ZNF236: variants seen among roughly 807,000 people sequenced by gnomAD.
The protein encoded by ZNF236 is regulated by glucose.
ZNF236 carries 50 observed loss-of-function variants against 191.2 expected under a neutral mutation model. That is an observed-to-expected ratio of 0.26 (90% CI 0.21 to 0.33). ZNF236 has a LOEUF of 0.33. Ranked by LOEUF, ZNF236 falls within the 10% of genes least tolerant of loss-of-function variation. The pLI is 1.00. For synonymous variants in ZNF236, 907 were observed against 928.8 expected, an observed-to-expected ratio of 0.98 and a Z score of 0.43; for missense variants, 1,754 against 2,374.5, an observed-to-expected ratio of 0.74 and a Z score of 5.43.
intron 1 of ZNF236, among the ~76,000 whole-genome samples, chr18:76,846,274 C>G (rs765760121): frequency 7.2e-5 from 11 of 152,200 alleles, no homozygotes; most frequent in Non-Finnish European, 1.2e-4. Flanking sequence ...TTTGATAGAC[C>G]TCGTTCTGAA....
chr18:76,851,952 AT>A lies in ZNF236; in HGVS notation c.363+17del. On this transcript the variant is annotated intron_variant, in intron 3 of 30. Coordinates refer to ENST00000320610, the MANE Select transcript of ZNF236 (RefSeq NM_001306089.2). ...TGAAAAGGAAGAGGTAATCATCATC[AT>A]TTTGCATATACTTTGTTAACTGATT... The A allele has an allele frequency of 6.2e-7, 1 of 1,600,438 alleles. No individual in the cohort carries two copies. The highest frequency in any genetic ancestry group is 8.5e-7 in the Non-Finnish European group (1 of 1,172,932).
intron 16 of ZNF236, 105 bp from the exon 17 acceptor site, chr18:76,912,138 TC>T: frequency 1.3e-6 from 1 of 795,076 alleles, no homozygotes; most frequent in Admixed American, 2.7e-5. Context: ...CTCTCTTAGA[TC>T]CACATTTTAT....
chr18:76,961,953 T>C (rs928024375), intron 30 of ZNF236, among the ~76,000 whole-genome samples: 3 of 152,208 alleles, frequency 2.0e-5, no homozygotes, highest in African/African-American at 7.2e-5. Flanking sequence ...GAATTCGTTG[T>C]AGATTCTGGA....
chr18:76,937,055 G>A, intron 25 of ZNF236, 101 bp from the exon 26 acceptor site: 1 of 1,102,340 alleles, frequency 9.1e-7, no homozygotes. Context: ...CCTCGGGCAT[G>A]AATGCTGCTT....
At chr18:76,848,019 T>C (rs948321930) in intron 1 of ZNF236, among the ~76,000 whole-genome samples, 2 of 152,216 alleles carry the variant, frequency 1.3e-5, no homozygotes, top group Non-Finnish European at 2.9e-5. Flanking sequence ...CGGAATAATG[T>C]TTGCAGCTGT....
chr18:76,859,943 C>G (rs1347066047), intron 3 of ZNF236, among the ~76,000 whole-genome samples: 1 of 152,130 alleles, frequency 6.6e-6, no homozygotes, highest in African/African-American at 2.4e-5. Flanking sequence ...TGGGGCACAT[C>G]TGTGGGTAGC....
chr18:76,912,986 A>T (rs7238184), intron 17 of ZNF236, among the ~76,000 whole-genome samples: 29,301 of 152,172 alleles, frequency 0.19, 3,385 homozygotes, highest in Middle Eastern at 0.28. Context: ...ATGTATTCAG[A>T]CACTTCCAGC....
In ZNF236 at chr18:76,972,230, T is replaced by A. The variant is rs1186975430; in HGVS notation, c.*3891T>A. On this transcript the variant is annotated 3_prime_UTR_variant, in exon 31 of 31. Transcript: ENST00000320610. ...GATCGTACGCCAAAGGCCACTGAGC[T>A]GGCATCTTCTTCATTGTGGAGAAAG... 6.6e-6 allele frequency among the ~76,000 whole-genome samples: 1 copy of A among 152,278 alleles called. No individual in the cohort carries two copies. Among genetic ancestry groups the A allele is most frequent in the East Asian group, 1.9e-4 (1 of 5,204 alleles).
intron 1 of ZNF236, among the ~76,000 whole-genome samples, chr18:76,829,906 C>T (rs577022202): frequency 6.6e-6 from 1 of 152,280 alleles, no homozygotes; most frequent in Admixed American, 6.5e-5. Flanking sequence ...GAGTCTCGCC[C>T]TGTTGCCAGG....
At chr18:76,908,286 C>G in intron 13 of ZNF236, 34 bp from the exon 14 acceptor site, 2 of 1,599,072 alleles carry the variant, frequency 1.3e-6, no homozygotes, top group Non-Finnish European at 1.7e-6. Context: ...TTGACAGCAT[C>G]TAACCTGATG....
At chr18:76,856,389 G>T (rs1010743350) in intron 3 of ZNF236, among the ~76,000 whole-genome samples, 15 of 152,148 alleles carry the variant, frequency 9.9e-5, no homozygotes, top group African/African-American at 3.4e-4. Flanking sequence ...TGCCATGTTG[G>T]CCAGGCTGGT....
In ZNF236 at chr18:76,968,461, T is replaced by C; in HGVS notation, c.*122T>C. 6.8e-7 allele frequency: 1 copy of C among 1,462,120 alleles called. No homozygotes were observed. Among genetic ancestry groups the C allele is most frequent in the Admixed American group, 3.0e-5 (1 of 33,166 alleles). The allele number at this position is 1,462,120 out of a possible 1,614,324, so 90.6% of individuals were successfully genotyped here. On this transcript the variant is annotated 3_prime_UTR_variant, in exon 31 of 31. Coordinates refer to ENST00000320610, the MANE Select transcript of ZNF236 (RefSeq NM_001306089.2). The stretch of plus-strand genomic sequence containing the variant: ...AAATGCTACAATAGTTTTTTATCTA[T>C]AAAATTATCTAAAGAATCATTGTCT...
intron 3 of ZNF236, among the ~76,000 whole-genome samples, chr18:76,855,687 T>A (rs1161831124): frequency 6.6e-6 from 1 of 152,204 alleles, no homozygotes; most frequent in Non-Finnish European, 1.5e-5. Context: ...TTTTTGTCGA[T>A]GTTTGAGTTC....
chr18:76,956,662 C>T (rs541885355), intron 28 of ZNF236, among the ~76,000 whole-genome samples: 2 of 152,366 alleles, frequency 1.3e-5, no homozygotes, highest in South Asian at 4.1e-4. Flanking sequence ...CTTTCCACTG[C>T]AGCAGAGCCA....
chr18:76,897,807 G>C (rs1977478522), intron 10 of ZNF236, among the ~76,000 whole-genome samples: 1 of 152,222 alleles, frequency 6.6e-6, no homozygotes, highest in Non-Finnish European at 1.5e-5. Context: ...GTGCTGAGAA[G>C]GGATTGAGTC....
intron 28 of ZNF236, among the ~76,000 whole-genome samples, chr18:76,958,894 A>G (rs1968592447): frequency 6.6e-6 from 1 of 152,222 alleles, no homozygotes; most frequent in Non-Finnish European, 1.5e-5. Flanking sequence ...TGGAACACAC[A>G]CAGGAAACGT....
Position 76,927,445 on chromosome 18 carries a change from A to C in ZNF236, c.4342A>C (p.Thr1448Pro). 6.2e-7 allele frequency: 1 copy of C among 1,614,204 alleles called. No homozygotes were observed. Among genetic ancestry groups the C allele is most frequent in the Non-Finnish European group, 8.5e-7 (1 of 1,180,044 alleles). Reference sequence around the variant, plus strand: ...CATCTCAGGCCTGTCCTTACAGCCCACAGTGACCTCTGCGAACCTGACCAT... The same window carrying C: ...CATCTCAGGCCTGTCCTTACAGCCCCCAGTGACCTCTGCGAACCTGACCAT... The part of the protein sequence containing the change: ...QPISGLSLQP[T>P]VTSANLTIGP... The change falls in exon 24 of 31, where the codon ACA becomes CCA. Residue 1448 changes from threonine (T) to proline (P), a missense_variant. By Grantham distance (38) the Thr-to-Pro change is conservative. Transcript: ENST00000320610. This position sits in a 1 kb window ranked among gnomAD's most constrained non-coding sequence, Gnocchi z 5.4.
Position 76,957,066 on chromosome 18 carries a change from C to T in ZNF236, c.5112+884C>T, listed in dbSNP as rs144443432. ...TTTCTGACCAGCCATGGCCAGGCCA[C>T]GCAGAGGGCAGAGGCGTGCCACGCT... On this transcript the variant is annotated intron_variant, in intron 28 of 30. Coordinates refer to ENST00000320610, the MANE Select transcript of ZNF236 (RefSeq NM_001306089.2). Among the ~76,000 whole-genome samples the T allele has an allele frequency of 4.5e-3, 685 of 152,236 alleles. 3 individuals carry two copies. The highest frequency in any genetic ancestry group is 0.015 in the African/African-American group (618 of 41,522).
intron 30 of ZNF236, among the ~76,000 whole-genome samples, chr18:76,967,790 G>C (rs909859288): frequency 6.6e-6 from 1 of 152,172 alleles, no homozygotes; most frequent in Non-Finnish European, 1.5e-5. Context: ...AGGGGAGCTC[G>C]ACGGCTTTCA....
Sources: allele counts gnomAD v4.1 joint callset (sites outside exome capture counted in the v4.1 genomes callset), GRCh38; gene constraint gnomAD v4.1.1; non-coding constraint Gnocchi (gnomAD v3.1); transcripts MANE v1.5; gene names NCBI Gene and HGNC (gene_info 2026-07-23, HGNC 2026-07-21).